Variants in PARD3 observed in about 807,000 individuals in gnomAD.
PARD3 encodes par-3 family cell polarity regulator.
Under a neutral mutation model 155.4 loss-of-function variants are expected in PARD3, and 75 were observed. That is an observed-to-expected ratio of 0.48 (90% confidence interval 0.40 to 0.58). The LOEUF (loss-of-function observed/expected upper bound fraction) is 0.58, where lower values mean the gene tolerates loss of function less well. Ranked by LOEUF, PARD3 falls within the 20% of genes least tolerant of loss-of-function variation. The pLI is 0.00. For synonymous variants in PARD3, 576 were observed against 610.5 expected (o/e 0.94, Z 0.83); for missense variants, 1,642 against 1,721.7 (o/e 0.95, Z 0.82).
At chr10:34,258,905 C>T (rs1169526194) in intron 22 of PARD3, among the ~76,000 whole-genome samples, 1 of 151,962 alleles carries the variant, frequency 6.6e-6, no homozygotes, top group African/African-American at 2.4e-5. Flanking sequence ...GACTCCGTCT[C>T]TACAAAAAAT....
chr10:34,742,041 T>G (rs1380001960), intron 1 of PARD3, among the ~76,000 whole-genome samples: 1 of 152,180 alleles, frequency 6.6e-6, no homozygotes, highest in African/African-American at 2.4e-5. Context: ...AACTGCCTAT[T>G]TAGTTTTCAA....
intron 3 of PARD3, among the ~76,000 whole-genome samples, chr10:34,476,566 C>A (rs2078718522): frequency 6.6e-6 from 1 of 152,180 alleles, no homozygotes; most frequent in Non-Finnish European, 1.5e-5. Flanking sequence ...ACATCAGTCA[C>A]CTCTCTGGGC....
At chr10:34,447,480 CAAAAAAAAAAAAAAAAAAAAAAAAAAAAA>C (rs745637071) in intron 5 of PARD3, among the ~76,000 whole-genome samples, 3 of 37,196 alleles carry the variant, frequency 8.1e-5, no homozygotes, top group Admixed American at 4.8e-4. Flanking sequence ...GACTGCGTCT[CAAAAAAAAAAAAAAAAAAAAAAAAAAAAA>C]AAAAAAAAAA....
chr10:34,347,887 T>C (rs889498021), intron 15 of PARD3, 78 bp downstream of exon 15: 8 of 1,120,660 alleles, frequency 7.1e-6, no homozygotes, highest in Non-Finnish European at 1.0e-5. Flanking sequence ...AGTACATTAA[T>C]ATTACACCAA....
intron 17 of PARD3, 139 bp from the exon 18 acceptor site, chr10:34,336,382 C>T: frequency 1.7e-6 from 1 of 595,300 alleles, no homozygotes; most frequent in East Asian, 2.9e-5. Flanking sequence ...ATCAAGCAAA[C>T]ATTCATAATC....
chr10:34,398,286 A>G (rs1843539739), intron 7 of PARD3, among the ~76,000 whole-genome samples: 2 of 152,006 alleles, frequency 1.3e-5, no homozygotes, highest in Admixed American at 1.3e-4. Flanking sequence ...TACTCATTTA[A>G]AAAAATAAAA....
intron 22 of PARD3, among the ~76,000 whole-genome samples, chr10:34,257,771 C>A (rs907952849): frequency 6.6e-6 from 1 of 152,150 alleles, no homozygotes; most frequent in Non-Finnish European, 1.5e-5. Context: ...ATTGTGGTTT[C>A]GGGCAATGTT....
chr10:34,666,541 T>G (rs1299906247), intron 2 of PARD3, among the ~76,000 whole-genome samples: 1 of 151,750 alleles, frequency 6.6e-6, no homozygotes, highest in Non-Finnish European at 1.5e-5. Flanking sequence ...CTTACTAACG[T>G]CCAGGAGTCC....
At chr10:34,509,336 G>A (rs2081270675) in intron 3 of PARD3, among the ~76,000 whole-genome samples, 1 of 151,952 alleles carries the variant, frequency 6.6e-6, no homozygotes, top group Non-Finnish European at 1.5e-5. Flanking sequence ...AAGGTTCTAC[G>A]AGCCTGAAAA....
intron 2 of PARD3, among the ~76,000 whole-genome samples, chr10:34,546,768 C>T (rs571646251): frequency 2.0e-5 from 3 of 152,182 alleles, no homozygotes; most frequent in Admixed American, 6.5e-5. Context: ...TGGAATTAAC[C>T]GAACTGGCTT....
chr10:34,431,200 T>C (rs1202589512), intron 5 of PARD3, among the ~76,000 whole-genome samples: 1 of 152,120 alleles, frequency 6.6e-6, no homozygotes, highest in Non-Finnish European at 1.5e-5. Context: ...TGCTACCCCT[T>C]CATTTTCAAG....
rs376677547 is a variant in PARD3, at chr10:34,135,783, G to A, written c.3420-4200C>T. Among the ~76,000 whole-genome samples the A allele has an allele frequency of 2.4e-3, 366 of 152,290 alleles. 1 individual carries two copies. The highest frequency in any genetic ancestry group is 8.3e-3 in the African/African-American group (343 of 41,558). On this transcript the variant is annotated intron_variant, in intron 22 of 24. Transcript: ENST00000374788. The stretch of plus-strand genomic sequence containing the variant: ...TATATGAGAACCATTCAAAGAGCTT[G>A]TTAAAAAAATACTGATTGCCAAGGC...
At chr10:34,464,267 C>G (rs909454655) in intron 4 of PARD3, among the ~76,000 whole-genome samples, 1 of 151,930 alleles carries the variant, frequency 6.6e-6, no homozygotes, top group Non-Finnish European at 1.5e-5. Flanking sequence ...TGATGCACAC[C>G]CATGTAGAAC....
At chr10:34,360,508 A>G (rs1245658629) in intron 12 of PARD3, among the ~76,000 whole-genome samples, 2 of 152,234 alleles carry the variant, frequency 1.3e-5, no homozygotes, top group Non-Finnish European at 2.9e-5. Flanking sequence ...TGAGAAAGAT[A>G]GAGGGAAAAT....
intron 2 of PARD3, among the ~76,000 whole-genome samples, chr10:34,638,719 A>G (rs1301087664): frequency 6.6e-6 from 1 of 152,226 alleles, no homozygotes; most frequent in Non-Finnish European, 1.5e-5. Context: ...TAAAAATACC[A>G]CAAAACAGCT....
intron 22 of PARD3, among the ~76,000 whole-genome samples, chr10:34,196,008 C>T (rs1792201715): frequency 6.6e-6 from 1 of 152,200 alleles, no homozygotes; most frequent in African/African-American, 2.4e-5. Context: ...AATATGCATT[C>T]AAGAAATATT....
chr10:34,655,559 C>T (rs895923431), intron 2 of PARD3, among the ~76,000 whole-genome samples: 2 of 152,168 alleles, frequency 1.3e-5, no homozygotes, highest in African/African-American at 4.8e-5. Context: ...GTCTGGCTTT[C>T]AAGACCTTCC....
chr10:34,431,214 A>T (rs2132533859), intron 5 of PARD3, among the ~76,000 whole-genome samples: 1 of 152,328 alleles, frequency 6.6e-6, no homozygotes, highest in East Asian at 1.9e-4. Flanking sequence ...TTTCAAGCAG[A>T]GTGTCATCTT....
At chr10:34,716,385 T>A (rs1360864830) in intron 1 of PARD3, among the ~76,000 whole-genome samples, 3 of 152,172 alleles carry the variant, frequency 2.0e-5, no homozygotes, top group African/African-American at 7.2e-5. Flanking sequence ...AAATTAGCTG[T>A]ATGGGAACTC....
Sources: allele counts gnomAD v4.1 joint callset (sites outside exome capture counted in the v4.1 genomes callset), GRCh38; gene constraint gnomAD v4.1.1; transcripts MANE v1.5; gene names NCBI Gene and HGNC (gene_info 2026-07-23, HGNC 2026-07-21).